Variants in SWAP70 observed in about 807,000 individuals in gnomAD.
The protein encoded by SWAP70 is switch-associated protein 70.
In SWAP70, 34 loss-of-function variants were observed where a neutral mutation model predicts 80.2. The ratio of observed to expected loss-of-function variants is 0.42; its 90% CI spans 0.32 to 0.56. SWAP70 has a LOEUF of 0.56. Ranked by LOEUF, SWAP70 falls within the 20% of genes least tolerant of loss-of-function variation. SWAP70 has a pLI of 0.09. For synonymous variants in SWAP70, 239 were observed against 238.5 expected, an observed-to-expected ratio of 1.00 and a Z score of -0.02; for missense variants, 578 against 690.7, an observed-to-expected ratio of 0.84 and a Z score of 1.83.
At position 9,738,688 on chromosome 11, in the gene SWAP70, C is replaced by CA. The variant is rs10533145; in HGVS notation, c.1188+388dup. Among the ~76,000 whole-genome samples, 115 of 98,472 alleles carry CA rather than the reference C, an allele frequency of 1.2e-3. No homozygotes were observed. The East Asian group carries it at 0.013, about 11-fold the overall frequency. The allele number at this position is 98,472 out of a possible 152,430, so 64.6% of individuals were successfully genotyped here. ...TCAAGACCAGCCTGGGCAATATCTA[C>CA]AAAAAAAAAAAAAAAAAAAAGAATT... On this transcript the variant is annotated intron_variant, in intron 8 of 11. Coordinates refer to ENST00000318950, the MANE Select transcript of SWAP70 (RefSeq NM_015055.4).
chr11:9,714,195 A>G (rs572675680), intron 3 of SWAP70, among the ~76,000 whole-genome samples: 2 of 152,342 alleles, frequency 1.3e-5, no homozygotes, highest in East Asian at 3.9e-4. Context: ...AAAGTGACAC[A>G]TGTTAATACA....
chr11:9,671,231 T>C (rs1850376382), intron 1 of SWAP70, among the ~76,000 whole-genome samples: 1 of 78,624 alleles, frequency 1.3e-5, no homozygotes, highest in Non-Finnish European at 2.1e-5. Context: ...ATATATAAAA[T>C]ATATTTATAA....
At chr11:9,703,281 A>G (rs1850856254) in intron 2 of SWAP70, 1 of 443,464 alleles carries the variant, frequency 2.3e-6, no homozygotes, top group Admixed American at 2.4e-5. Context: ...TTATGGCTGA[A>G]TAACATTCCG....
In SWAP70 at chr11:9,748,054, G is replaced by C. The variant is rs200767479; in HGVS notation, c.1552G>C (p.Glu518Gln). Residue 518 changes from glutamate (E) to glutamine (Q), a missense_variant and splice_region_variant, in exon 10 of 12, where the codon GAG (glutamate) becomes CAG (glutamine). Coordinates refer to ENST00000318950, the MANE Select transcript of SWAP70 (RefSeq NM_015055.4). ...LERKQALEQY[E>Q]EVKKKLEMAT... ...ACGGAAGCAAGCACTTGAGCAGTAC[G>C]AGGTAATGAGACTTGGCCCTGCAAA... is the stretch of plus-strand genomic sequence containing the variant. 1.4e-5 allele frequency: 22 copies of C among 1,613,654 alleles called. No homozygotes were observed. Among genetic ancestry groups the C allele is most frequent in the Middle Eastern group, 1.6e-4 (1 of 6,062 alleles).
At chr11:9,704,031 A>T (rs1342617506) in intron 2 of SWAP70, among the ~76,000 whole-genome samples, 1 of 152,244 alleles carries the variant, frequency 6.6e-6, no homozygotes, top group African/African-American at 2.4e-5. Context: ...TTCACATAAC[A>T]TAAAACCTAC....
rs1851531379 is a variant in SWAP70 at position 9,747,839 on chromosome 11, G to A, written c.1356-19G>A. 1.2e-6 allele frequency: 2 copies of A among 1,613,440 alleles called. No individual in the cohort carries two copies. Among genetic ancestry groups the A allele is most frequent in the Non-Finnish European group, 1.7e-6 (2 of 1,179,436 alleles). On this transcript the variant is annotated intron_variant, in intron 9 of 11. Transcript: ENST00000318950. ...TGACCTGGGCAGGATTTGATCTGGA[G>A]CTTTCCTCCACATTGTAGGTTGTTG...
chr11:9,737,199 C>G (rs996133735), intron 7 of SWAP70, among the ~76,000 whole-genome samples: 2 of 152,202 alleles, frequency 1.3e-5, no homozygotes, highest in Non-Finnish European at 2.9e-5. Flanking sequence ...TGGCAGCCAG[C>G]CTGCCCCTCC....
rs115193944 is a variant in SWAP70 at position 9,737,167 on chromosome 11, A to G, written c.1081-1046A>G. Reference sequence around the variant, plus strand: ...CTGGAATAAAGTTTCTGCAACATGCAGCTGGGGACAAAGAGAAATTCTGGC... The same window carrying G: ...CTGGAATAAAGTTTCTGCAACATGCGGCTGGGGACAAAGAGAAATTCTGGC... On this transcript the variant is annotated intron_variant, in intron 7 of 11. Coordinates refer to ENST00000318950, the MANE Select transcript of SWAP70 (RefSeq NM_015055.4). Among the ~76,000 whole-genome samples the G allele has an allele frequency of 1.6e-3, 237 of 152,372 alleles. 3 individuals are homozygous for G. Among genetic ancestry groups the G allele is most frequent in the African/African-American group, 5.5e-3 (229 of 41,598 alleles).
At chr11:9,683,999 C>A (rs1027157171) in intron 1 of SWAP70, among the ~76,000 whole-genome samples, 18 of 151,924 alleles carry the variant, frequency 1.2e-4, no homozygotes, top group Admixed American at 3.3e-4. Context: ...GATTTTTTTT[C>A]ATTCTTTTAT....
intron 9 of SWAP70, among the ~76,000 whole-genome samples, chr11:9,742,511 AT>A (rs1851454136): frequency 6.6e-6 from 1 of 151,744 alleles, no homozygotes; most frequent in Non-Finnish European, 1.5e-5. Context: ...TAATTTTTGT[AT>A]TTTTAGTAGA....
At chr11:9,749,249 T>C (rs1245302812) in intron 11 of SWAP70, 66 bp downstream of exon 11, 2 of 904,838 alleles carry the variant, frequency 2.2e-6, no homozygotes. Flanking sequence ...ATTTAATTAA[T>C]TTATTTATTT....
In SWAP70 at chr11:9,699,902, C is replaced by T. The variant is rs562695898; in HGVS notation, c.240+5616C>T. 3.2e-3 allele frequency among the ~76,000 whole-genome samples: 473 copies of T among 149,404 alleles called. 4 individuals are homozygous for T. The highest frequency in any genetic ancestry group is 0.011 in the African/African-American group (444 of 40,264). ...TATATATATATATAGTCTCTAGATA[C>T]AGACAGTAAATAGAATTGTGTCTGT... On this transcript the variant is annotated intron_variant, in intron 2 of 11. Transcript: ENST00000318950.
At chr11:9,735,003 A>G (rs1851345607) in intron 7 of SWAP70, among the ~76,000 whole-genome samples, 1 of 152,200 alleles carries the variant, frequency 6.6e-6, no homozygotes, top group African/African-American at 2.4e-5. Flanking sequence ...TAATTAGAAG[A>G]AGGAATAAGA....
intron 4 of SWAP70, among the ~76,000 whole-genome samples, chr11:9,725,569 ATTTTTT>A (rs746391271): frequency 0.017 from 458 of 26,460 alleles, 4 homozygotes; most frequent in African/African-American, 0.051. Flanking sequence ...ATATATATAT[ATTTTTT>A]TTTTTTTTTT....
intron 3 of SWAP70, among the ~76,000 whole-genome samples, chr11:9,721,548 T>C (rs1203813565): frequency 6.6e-6 from 1 of 151,676 alleles, no homozygotes; most frequent in East Asian, 1.9e-4. Flanking sequence ...CATAGCTCAC[T>C]GTAACCTCAA....
Position 9,677,450 on chromosome 11 carries a change from A to C in SWAP70, c.99+13172A>C, listed in dbSNP as rs187307007. Among the ~76,000 whole-genome samples the C allele has an allele frequency of 7.7e-4, 117 of 152,266 alleles. 3 individuals are homozygous for C. Among genetic ancestry groups the C allele is most frequent in the African/African-American group, 2.7e-3 (111 of 41,554 alleles). On this transcript the variant is annotated intron_variant, in intron 1 of 11. Coordinates refer to ENST00000318950, the MANE Select transcript of SWAP70 (RefSeq NM_015055.4). Reference sequence around the variant, plus strand: ...TCTAAAGGGTATTTACAAAAATGAAAAGTAAGTTTCCCTTAACCCTTGGCC... The same window carrying C: ...TCTAAAGGGTATTTACAAAAATGAACAGTAAGTTTCCCTTAACCCTTGGCC...
chr11:9,710,488 A>T (rs909170368), intron 2 of SWAP70, among the ~76,000 whole-genome samples: 5 of 152,110 alleles, frequency 3.3e-5, no homozygotes, highest in African/African-American at 1.2e-4. Flanking sequence ...ACTACAAATT[A>T]AAGTTAGAGA....
intron 9 of SWAP70, among the ~76,000 whole-genome samples, chr11:9,746,386 G>A (rs1851512795): frequency 6.6e-6 from 1 of 152,136 alleles, no homozygotes; most frequent in Admixed American, 6.5e-5. Flanking sequence ...TGAAAAAACA[G>A]ACCCATCCAG....
At chr11:9,686,344 C>CTTATTTATTTATTTTCTTAT (rs1850632024) in intron 1 of SWAP70, among the ~76,000 whole-genome samples, 1 of 143,830 alleles carries the variant, frequency 7.0e-6, no homozygotes, top group Non-Finnish European at 1.5e-5. Flanking sequence ...CTTTTATTTT[C>CTTATTTATTTATTTTCTTAT]TTATTTATTT....
Sources: allele counts gnomAD v4.1 joint callset (sites outside exome capture counted in the v4.1 genomes callset), GRCh38; gene constraint gnomAD v4.1.1; transcripts MANE v1.5; gene names NCBI Gene and HGNC (gene_info 2026-07-23, HGNC 2026-07-21).